Variants in BAZ2B observed in about 807,000 individuals in gnomAD.
The protein encoded by BAZ2B is bromodomain adjacent to zinc finger domain 2B.
A neutral mutation model predicts 246.0 loss-of-function variants in BAZ2B; 91 were observed. That is an observed-to-expected ratio of 0.37 (90% CI 0.31 to 0.44). The LOEUF is 0.44. Ranked by LOEUF, BAZ2B falls within the 20% of genes least tolerant of loss-of-function variation. The pLI is 1.00. For missense variants in BAZ2B, 2,332 were observed against 2,533.7 expected (o/e 0.92, Z 1.71); for synonymous variants, 855 against 860.0 (o/e 0.99, Z 0.10).
At chr2:159,398,175 T>C (rs2064353683) in intron 18 of BAZ2B, 1 of 151,984 alleles carries the variant, frequency 6.6e-6, no homozygotes, top group Non-Finnish European at 1.5e-5. Context: ...CTCACCCAGC[T>C]ACCCCCTTTC....
intron 3 of BAZ2B, chr2:159,462,997 C>T (rs1238454039): frequency 3.7e-6 from 3 of 801,622 alleles, no homozygotes; most frequent in East Asian, 2.4e-5. Flanking sequence ...GGATCTAAAA[C>T]TCTGCTATTA....
intron 2 of BAZ2B, among the ~76,000 whole-genome samples, chr2:159,491,720 C>CAAAAAAAAAAAAAA (rs773067675): frequency 0.028 from 825 of 29,550 alleles, 56 homozygotes; most frequent in Non-Finnish European, 0.033. Context: ...GACTCCGTCT[C>CAAAAAAAAAAAAAA]AAAAAAAAAA....
At chr2:159,370,013 C>CT (rs1247888283) in intron 27 of BAZ2B, among the ~76,000 whole-genome samples, 1 of 152,130 alleles carries the variant, frequency 6.6e-6, no homozygotes, top group Non-Finnish European at 1.5e-5. Context: ...AGTTCATGTC[C>CT]TTTGTAGGGA....
At chr2:159,401,092 T>G (rs188203734) in intron 16 of BAZ2B, among the ~76,000 whole-genome samples, 235 of 152,240 alleles carry the variant, frequency 1.5e-3, no homozygotes, top group African/African-American at 5.5e-3. Flanking sequence ...ACATAAAAAT[T>G]TCATTATTTA....
chr2:159,392,981 T>G (rs990071549), intron 20 of BAZ2B, among the ~76,000 whole-genome samples: 1 of 139,030 alleles, frequency 7.2e-6, no homozygotes, highest in Non-Finnish European at 1.6e-5. Flanking sequence ...ATTTAGAAAT[T>G]TAAAAATTAT....
chr2:159,704,482 C>CTTTTTTTTT, the BAZ2B span, among the ~76,000 whole-genome samples: 1 of 117,024 alleles, frequency 8.5e-6, no homozygotes, highest in African/African-American at 3.2e-5. Context: ...CTTTCTTTTT[C>CTTTTTTTTT]TTTTTTTTTT....
intron 1 of BAZ2B, among the ~76,000 whole-genome samples, chr2:159,578,124 T>G (rs925339380): frequency 6.6e-6 from 1 of 152,208 alleles, no homozygotes; most frequent in African/African-American, 2.4e-5. Flanking sequence ...CTTTCTTATT[T>G]GAATTCAGGA....
chr2:159,449,165 A>G (rs969636930), intron 4 of BAZ2B, among the ~76,000 whole-genome samples: 1 of 152,212 alleles, frequency 6.6e-6, no homozygotes, highest in Non-Finnish European at 1.5e-5. Flanking sequence ...ATTCAATAAA[A>G]GGTAAATACT....
At chr2:159,552,191 T>G (rs980142593) in intron 2 of BAZ2B, among the ~76,000 whole-genome samples, 4 of 152,202 alleles carry the variant, frequency 2.6e-5, no homozygotes, top group Admixed American at 2.6e-4. Context: ...ATTCTAGTTC[T>G]CTGACTCCCT....
intron 2 of BAZ2B, among the ~76,000 whole-genome samples, chr2:159,524,845 A>C (rs1037045683): frequency 6.6e-6 from 1 of 152,102 alleles, no homozygotes; most frequent in Non-Finnish European, 1.5e-5. Context: ...GTCATTTACA[A>C]GGCATTATGT....
the BAZ2B span, among the ~76,000 whole-genome samples, chr2:159,643,516 G>A: frequency 1.3e-5 from 2 of 152,158 alleles, no homozygotes; most frequent in South Asian, 4.1e-4. Context: ...TAAATATTCA[G>A]CCCAACATTC....
chr2:159,469,560 C>G (rs2077517732), intron 3 of BAZ2B, among the ~76,000 whole-genome samples: 1 of 152,088 alleles, frequency 6.6e-6, no homozygotes, highest in South Asian at 2.1e-4. Context: ...CTCAGCCTCT[C>G]AGGTAGCTGG....
chr2:159,488,368 C>T (rs1393640244), intron 2 of BAZ2B, among the ~76,000 whole-genome samples: 1 of 152,100 alleles, frequency 6.6e-6, no homozygotes, highest in Non-Finnish European at 1.5e-5. Context: ...CTACCGCACC[C>T]ACCAATAATT....
the BAZ2B span, among the ~76,000 whole-genome samples, chr2:159,657,628 T>A: frequency 0.067 from 10,199 of 152,250 alleles, 440 homozygotes; most frequent in Middle Eastern, 0.19. Flanking sequence ...AGATCTTTGA[T>A]TTCTTTTGTC....
intron 1 of BAZ2B, among the ~76,000 whole-genome samples, chr2:159,581,452 G>C (rs1686757091): frequency 6.6e-6 from 1 of 152,134 alleles, no homozygotes; most frequent in Non-Finnish European, 1.5e-5. Context: ...GGAGAAATAG[G>C]AACACTTTTA....
intron 13 of BAZ2B, among the ~76,000 whole-genome samples, chr2:159,420,884 C>T (rs1177273499): frequency 6.6e-6 from 1 of 152,024 alleles, no homozygotes; most frequent in Non-Finnish European, 1.5e-5. Flanking sequence ...ATTTATTTAC[C>T]TTACACCATT....
intron 3 of BAZ2B, among the ~76,000 whole-genome samples, chr2:159,467,642 A>C (rs374225452): frequency 1.3e-5 from 2 of 152,130 alleles, no homozygotes; most frequent in African/African-American, 4.8e-5. Context: ...CTTAGGAAAA[A>C]ATTTTTTTAA....
chr2:159,580,718 C>CAT (rs1182272029), intron 1 of BAZ2B, among the ~76,000 whole-genome samples: 2 of 152,076 alleles, frequency 1.3e-5, no homozygotes, highest in Non-Finnish European at 2.9e-5. Context: ...CCAAAACAGA[C>CAT]ATAGAGACCA....
At chr2:159,446,742 A>G (rs368269135) in intron 6 of BAZ2B, 40 bp downstream of exon 6, 1 of 1,513,556 alleles carries the variant, frequency 6.6e-7, no homozygotes, top group Non-Finnish European at 8.9e-7. Flanking sequence ...CATCTTATAT[A>G]TAGATCTGTT....
Sources: allele counts gnomAD v4.1 joint callset (sites outside exome capture counted in the v4.1 genomes callset), GRCh38; gene constraint gnomAD v4.1.1; transcripts MANE v1.5; gene names NCBI Gene and HGNC (gene_info 2026-07-23, HGNC 2026-07-21).